WDR70: variants seen among roughly 807,000 people sequenced by gnomAD.
WDR70 encodes the protein WD repeat domain 70.
WDR70 carries 53 observed loss-of-function variants against 88.6 expected under a neutral mutation model. The observed-to-expected ratio is 0.60, with a 90% confidence interval of 0.48 to 0.75. WDR70 has a LOEUF of 0.75. Ranked by LOEUF, WDR70 falls within the 30% of genes least tolerant of loss-of-function variation. The probability of loss-of-function intolerance (pLI) is 0.00; values close to 1 mark genes in which losing one functional copy is unlikely to be tolerated. For synonymous variants in WDR70, 280 were observed against 270.0 expected (o/e 1.04, Z -0.36); for missense variants, 610 against 823.2 (o/e 0.74, Z 3.17).
In WDR70 at chr5:37,746,558, T is replaced by C. The variant is rs899983637; in HGVS notation, c.1878-5928T>C. 3.3e-5 allele frequency among the ~76,000 whole-genome samples: 5 copies of C among 152,000 alleles called. No homozygotes were observed. The South Asian group carries it at 1.0e-3, about 32-fold the overall frequency. On this transcript the variant is annotated intron_variant, in intron 17 of 17. Transcript: ENST00000265107. ...AATAAGAAGAGAGAGAAGAATCAAATAGATGCAATAAAAAATAATAAAAGG... is the reference window on the plus strand; with the variant it reads ...AATAAGAAGAGAGAGAAGAATCAAACAGATGCAATAAAAAATAATAAAAGG...
intron 7 of WDR70, among the ~76,000 whole-genome samples, chr5:37,462,550 C>T (rs550551591): frequency 2.4e-4 from 36 of 152,346 alleles, no homozygotes; most frequent in African/African-American, 8.2e-4. Flanking sequence ...GATCCGCCCG[C>T]CTCGGCCTCC....
Position 37,728,272 on chromosome 5 carries a change from C to T in WDR70, c.1877+1227C>T, listed in dbSNP as rs140850302. On this transcript the variant is annotated intron_variant, in intron 17 of 17. Transcript: ENST00000265107. Reference sequence around the variant, plus strand: ...CTGAGGCAGGAGAATTGCTTGAACCCGGGAGGTGGAGGTTGCAGTGAGCCA... The same window carrying T: ...CTGAGGCAGGAGAATTGCTTGAACCTGGGAGGTGGAGGTTGCAGTGAGCCA... Among the ~76,000 whole-genome samples the T allele has an allele frequency of 4.8e-3, 706 of 147,310 alleles. 9 individuals are homozygous for T. Among genetic ancestry groups the T allele is most frequent in the African/African-American group, 0.017 (663 of 39,558 alleles).
intron 10 of WDR70, among the ~76,000 whole-genome samples, chr5:37,635,666 A>G (rs1334566417): frequency 2.6e-5 from 4 of 152,180 alleles, no homozygotes; most frequent in African/African-American, 9.7e-5. Flanking sequence ...AAAATTGGAA[A>G]TGGTTCATTT....
At chr5:37,750,474 C>T (rs945511477) in intron 17 of WDR70, among the ~76,000 whole-genome samples, 13 of 152,178 alleles carry the variant, frequency 8.5e-5, no homozygotes, top group African/African-American at 3.1e-4. Flanking sequence ...AGTTCAGTTA[C>T]AGTGAGCTAT....
intron 9 of WDR70, among the ~76,000 whole-genome samples, chr5:37,525,949 C>T (rs187349347): frequency 2.6e-5 from 4 of 152,074 alleles, no homozygotes; most frequent in East Asian, 1.9e-4. Context: ...TTTGAATCCA[C>T]GAATAGAGCA....
Position 37,752,482 on chromosome 5 carries a change from T to C in WDR70, c.1878-4T>C. 6.2e-7 allele frequency: 1 copy of C among 1,605,266 alleles called. No individual in the cohort carries two copies. Among genetic ancestry groups the C allele is most frequent in the Non-Finnish European group, 8.5e-7 (1 of 1,177,166 alleles). Reference sequence around the variant, plus strand: ...TTCCTTCTCTTCTTTAACTTTTCTTTTAGGACTCAGCCCAAAACCATGTTT... The same window carrying C: ...TTCCTTCTCTTCTTTAACTTTTCTTCTAGGACTCAGCCCAAAACCATGTTT... On this transcript the variant is annotated splice_region_variant and splice_polypyrimidine_tract_variant and intron_variant, in intron 17 of 17. Coordinates refer to ENST00000265107, the MANE Select transcript of WDR70 (RefSeq NM_018034.4).
intron 8 of WDR70, among the ~76,000 whole-genome samples, chr5:37,515,502 A>G (rs775580395): frequency 6.6e-6 from 1 of 152,212 alleles, no homozygotes; most frequent in African/African-American, 2.4e-5. Flanking sequence ...TGCCTCCCAC[A>G]TGGCTAAGAG....
intron 7 of WDR70, among the ~76,000 whole-genome samples, chr5:37,452,545 C>T (rs1402733088): frequency 2.0e-5 from 3 of 152,280 alleles, no homozygotes; most frequent in Non-Finnish European, 4.4e-5. Context: ...GGATTGCAGG[C>T]GTGAGCCACC....
chr5:37,724,398 G>A (rs16903707), intron 15 of WDR70: 3 of 152,408 alleles, frequency 2.0e-5, no homozygotes, highest in African/African-American at 7.2e-5. Context: ...GGCACCTCTT[G>A]CATTCATGGC....
intron 10 of WDR70, among the ~76,000 whole-genome samples, chr5:37,647,172 A>G (rs1745264102): frequency 6.6e-6 from 1 of 152,118 alleles, no homozygotes. Flanking sequence ...ATTCTTTAGC[A>G]TGTCAGTTGC....
chr5:37,439,625 C>CTTTT (rs34032020), intron 6 of WDR70, among the ~76,000 whole-genome samples: 1 of 128,988 alleles, frequency 7.8e-6, no homozygotes, highest in African/African-American at 2.9e-5. Flanking sequence ...TGGCTTAACT[C>CTTTT]TTTTTTTTTT....
At chr5:37,706,292 C>T (rs10075048) in intron 13 of WDR70, among the ~76,000 whole-genome samples, 4,921 of 152,220 alleles carry the variant, frequency 0.032, 271 homozygotes, top group African/African-American at 0.11. Flanking sequence ...GATGTTTGCA[C>T]GCATTTTACA....
intron 9 of WDR70, among the ~76,000 whole-genome samples, chr5:37,574,225 C>T (rs1299172337): frequency 6.6e-6 from 1 of 152,072 alleles, no homozygotes; most frequent in Non-Finnish European, 1.5e-5. Context: ...GTCATACTAC[C>T]CACAGTGTGC....
chr5:37,697,675 T>C lies in WDR70; in HGVS notation c.1113T>C (p.Tyr371=). The part of the protein sequence containing the change: ...RNLTVHPKFH[Y]KQAHDSGTDT... The stretch of plus-strand genomic sequence containing the variant: ...AATAGGTTCATCCTAAGTTCCACTA[T>C]AAACAGGCTCATGACTCGGGCACAG... Residue 371 remains tyrosine, a synonymous_variant, in exon 11 of 18, where the codon TAT becomes TAC. Coordinates refer to ENST00000265107, the MANE Select transcript of WDR70 (RefSeq NM_018034.4). 1 of 1,613,826 alleles carries C rather than the reference T, an allele frequency of 6.2e-7. No individual in the cohort carries two copies. The highest frequency in any genetic ancestry group is 8.5e-7 in the Non-Finnish European group (1 of 1,179,756).
chr5:37,615,657 C>G (rs1744318126), intron 10 of WDR70, among the ~76,000 whole-genome samples: 1 of 152,242 alleles, frequency 6.6e-6, no homozygotes, highest in South Asian at 2.1e-4. Context: ...ATACATTCAG[C>G]TACATGTGAA....
chr5:37,499,549 CAACTT>C (rs1343030921), intron 8 of WDR70, among the ~76,000 whole-genome samples: 1 of 139,502 alleles, frequency 7.2e-6, no homozygotes, highest in African/African-American at 2.7e-5. Flanking sequence ...TATATATTCT[CAACTT>C]AAGTCCTTTT....
intron 9 of WDR70, among the ~76,000 whole-genome samples, chr5:37,521,738 A>ACACC (rs1381270017): frequency 1.5e-5 from 2 of 136,218 alleles, no homozygotes; most frequent in African/African-American, 5.8e-5. Flanking sequence ...ACACACACAC[A>ACACC]CACCCACATG....
rs554642544 is a variant in WDR70, at chr5:37,743,526, G to A, written c.1878-8960G>A. Among the ~76,000 whole-genome samples the A allele has an allele frequency of 2.0e-5, 3 of 152,338 alleles. No homozygotes were observed. The South Asian group carries it at 6.2e-4, about 32-fold the overall frequency. On this transcript the variant is annotated intron_variant, in intron 17 of 17. Coordinates refer to ENST00000265107, the MANE Select transcript of WDR70 (RefSeq NM_018034.4). ...AACTGCCTAACACGCTAAGCTCTCT[G>A]GGTAGGGGAAGGGCAGCACCCATTT...
At position 37,725,302 on chromosome 5, in the gene WDR70, A is replaced by G. The variant is rs559090639; in HGVS notation, c.1714+252A>G. On this transcript the variant is annotated intron_variant, in intron 16 of 17. Coordinates refer to ENST00000265107, the MANE Select transcript of WDR70 (RefSeq NM_018034.4). The stretch of plus-strand genomic sequence containing the variant: ...TGGGGCCCTTTCTGCTTGGTCTCCA[A>G]CTAGAGTTTTCCTAGCTGGCCTCAG... Among the ~76,000 whole-genome samples, 3 of 152,008 alleles carry G rather than the reference A, an allele frequency of 2.0e-5. No individual in the cohort carries two copies. In the East Asian group the frequency reaches 5.8e-4, roughly 30 times the overall value.
Sources: allele counts gnomAD v4.1 joint callset (sites outside exome capture counted in the v4.1 genomes callset), GRCh38; gene constraint gnomAD v4.1.1; transcripts MANE v1.5; gene names NCBI Gene and HGNC (gene_info 2026-07-23, HGNC 2026-07-21).